Variants in CATSPERT observed in about 807,000 individuals in gnomAD.
The protein encoded by CATSPERT is catsper channel auxiliary subunit tau.
At chr2:201,563,438 C>A in the CATSPERT span, among the ~76,000 whole-genome samples, 1 of 51,660 alleles carries the variant, frequency 1.9e-5, no homozygotes, top group African/African-American at 6.4e-5. Flanking sequence ...ACCTCCCTCC[C>A]GGACGGGGCG....
chr2:201,561,923 C>A, the CATSPERT span, among the ~76,000 whole-genome samples: 2 of 151,598 alleles, frequency 1.3e-5, no homozygotes, highest in Non-Finnish European at 2.9e-5. Context: ...AAAACACCTA[C>A]AACAGCCTCC....
At chr2:201,537,499 G>A in the CATSPERT span, 1 of 1,543,418 alleles carries the variant, frequency 6.5e-7, no homozygotes, top group Non-Finnish European at 8.8e-7. Flanking sequence ...CAATTAATAG[G>A]GGTATTTTAT....
the CATSPERT span, among the ~76,000 whole-genome samples, chr2:201,575,088 G>GGAGGAGGAGGAA: frequency 2.0e-5 from 3 of 150,732 alleles, no homozygotes; most frequent in Non-Finnish European, 4.4e-5. Context: ...AGGAGGAGGA[G>GGAGGAGGAGGAA]AAGGAGGAGA....
chr2:201,499,301 T>G, the CATSPERT span, among the ~76,000 whole-genome samples: 9 of 152,320 alleles, frequency 5.9e-5, no homozygotes, highest in Admixed American at 4.6e-4. Context: ...CAAGAGGATA[T>G]TGAGTTCTCT....
the CATSPERT span, among the ~76,000 whole-genome samples, chr2:201,516,939 T>A: frequency 6.6e-6 from 1 of 151,516 alleles, no homozygotes; most frequent in Non-Finnish European, 1.5e-5. Flanking sequence ...GCTTTTTTTT[T>A]TTTTTTTCTA....
At chr2:201,504,600 CTCTG>C in the CATSPERT span, among the ~76,000 whole-genome samples, 10 of 152,336 alleles carry the variant, frequency 6.6e-5, no homozygotes, top group Admixed American at 2.0e-4. Context: ...TTCTCTCTCT[CTCTG>C]TCTGACTTTT....
the CATSPERT span, among the ~76,000 whole-genome samples, chr2:201,510,459 A>G: frequency 6.6e-6 from 1 of 152,180 alleles, no homozygotes; most frequent in African/African-American, 2.4e-5. Flanking sequence ...ATAAATAAAT[A>G]AAAATAAAAG....
At chr2:201,519,454 A>G in the CATSPERT span, among the ~76,000 whole-genome samples, 1 of 152,202 alleles carries the variant, frequency 6.6e-6, no homozygotes, top group East Asian at 1.9e-4. Context: ...ATCAAACATG[A>G]AAAAGCAAGG....
At chr2:201,535,769 T>G in the CATSPERT span, 1 of 1,356,812 alleles carries the variant, frequency 7.4e-7, no homozygotes, top group Non-Finnish European at 9.4e-7. Context: ...TTTATTTGTA[T>G]TTAATTTTTT....
chr2:201,608,685 C>T, the CATSPERT span, among the ~76,000 whole-genome samples: 7 of 151,834 alleles, frequency 4.6e-5, no homozygotes, highest in African/African-American at 1.5e-4. Context: ...GGCATGGTGG[C>T]GAGTTCCTAC....
chr2:201,613,489 CCTGA>C, the CATSPERT span, among the ~76,000 whole-genome samples: 29 of 152,260 alleles, frequency 1.9e-4, no homozygotes, highest in African/African-American at 6.7e-4. Context: ...AGCTGACGGT[CCTGA>C]CTGTTAGAAG....
At chr2:201,610,514 T>C in the CATSPERT span, among the ~76,000 whole-genome samples, 5 of 151,258 alleles carry the variant, frequency 3.3e-5, no homozygotes, top group African/African-American at 1.2e-4. Flanking sequence ...ATGACTTCAC[T>C]GCTGAATTCT....
At chr2:201,515,213 T>G in the CATSPERT span, among the ~76,000 whole-genome samples, 3 of 26,184 alleles carry the variant, frequency 1.1e-4, no homozygotes, top group Admixed American at 7.3e-4. Context: ...TTTTTTTTTT[T>G]TTTTTTTTTT....
chr2:201,564,355 A>C, the CATSPERT span, among the ~76,000 whole-genome samples: 1 of 152,182 alleles, frequency 6.6e-6, no homozygotes, highest in African/African-American at 2.4e-5. Context: ...TAGTTCTATA[A>C]ATTTTCAAGT....
At chr2:201,522,439 C>T in the CATSPERT span, among the ~76,000 whole-genome samples, 82 of 152,020 alleles carry the variant, frequency 5.4e-4, no homozygotes, top group Admixed American at 2.6e-3. Flanking sequence ...AGCAGATCTT[C>T]GGAAGGAAGG....
At chr2:201,563,916 G>C in the CATSPERT span, among the ~76,000 whole-genome samples, 2 of 152,176 alleles carry the variant, frequency 1.3e-5, no homozygotes, top group Non-Finnish European at 2.9e-5. Context: ...CCATCATTTG[G>C]TGCCATTTTT....
At chr2:201,493,109 C>CT in the CATSPERT span, 1 of 1,527,574 alleles carries the variant, frequency 6.5e-7, no homozygotes, top group African/African-American at 1.4e-5. Context: ...TTGAAAAAAA[C>CT]ATTGAAGATG....
chr2:201,531,165 T>A, the CATSPERT span, among the ~76,000 whole-genome samples: 3 of 151,974 alleles, frequency 2.0e-5, no homozygotes, highest in Non-Finnish European at 4.4e-5. Context: ...TTCACCGTGT[T>A]AGCCAGGATG....
the CATSPERT span, among the ~76,000 whole-genome samples, chr2:201,501,418 AAG>A: frequency 4.7e-4 from 70 of 150,174 alleles, no homozygotes; most frequent in African/African-American, 1.6e-3. Context: ...AAAAAAAAAA[AAG>A]AAAGATCTCA....
Sources: gnomAD v4.1 joint callset for allele counts (sites outside exome capture counted in the v4.1 genomes callset) on GRCh38, gnomAD v4.1.1 for gene constraint, MANE v1.5 for transcripts, NCBI Gene and HGNC (gene_info 2026-07-23, HGNC 2026-07-21) for gene names.